The following CCDC33 variants were observed in gnomAD, a reference collection of about 807,000 sequenced individuals.
CCDC33 encodes coiled-coil domain containing 33.
In CCDC33, 94 loss-of-function variants were observed where a neutral mutation model predicts 91.9. The ratio of observed to expected loss-of-function variants is 1.02; its 90% CI spans 0.87 to 1.21. The LOEUF (loss-of-function observed/expected upper bound fraction) is 1.21. CCDC33 is among the 50% of genes most tolerant of loss of function. CCDC33 has a pLI of 0.00. For missense variants in CCDC33, 940 were observed against 935.5 expected, an observed-to-expected ratio of 1.00 and a Z score of -0.06; for synonymous variants, 396 against 374.5, an observed-to-expected ratio of 1.06 and a Z score of -0.66.
upstream of CCDC33, among the ~76,000 whole-genome samples, chr15:74,214,313 G>A (rs1232370557): frequency 6.6e-6 from 1 of 152,238 alleles, no homozygotes; most frequent in Non-Finnish European, 1.5e-5. Context: ...ACTTTGGAAG[G>A]TGGCTTGGAA....
intron 14 of CCDC33, 29 bp from the exon 15 acceptor site, chr15:74,331,174 G>A (rs1004325748): frequency 5.6e-6 from 9 of 1,613,878 alleles, no homozygotes; most frequent in African/African-American, 2.7e-5. Flanking sequence ...GAGCCCCTGG[G>A]CCAGCCCAGC....
intron 7 of CCDC33, among the ~76,000 whole-genome samples, chr15:74,274,380 AG>A (rs1187061452): frequency 6.6e-6 from 1 of 152,166 alleles, no homozygotes; most frequent in Non-Finnish European, 1.5e-5. Flanking sequence ...CAACATTCCT[AG>A]GGGCCTTGGG....
At chr15:74,256,528 G>A (rs73432384) in intron 2 of CCDC33, among the ~76,000 whole-genome samples, 3,101 of 152,152 alleles carry the variant, frequency 0.02, 116 homozygotes, top group African/African-American at 0.071. Flanking sequence ...CCTTCCAAGG[G>A]GACTGTCATT....
intron 10 of CCDC33, 35 bp downstream of exon 10, chr15:74,281,884 C>A: frequency 6.3e-7 from 1 of 1,576,074 alleles, no homozygotes. Context: ...TCAGGGCCAG[C>A]AGGCACATGT....
intron 2 of CCDC33, among the ~76,000 whole-genome samples, chr15:74,226,052 G>A (rs1470058556): frequency 6.6e-6 from 1 of 152,204 alleles, no homozygotes; most frequent in Admixed American, 6.5e-5. Context: ...TCAGCCTGAG[G>A]TGATGATCAT....
rs200097810 is a variant in CCDC33 at position 74,335,027 on chromosome 15, G to A, written c.2078G>A (p.Arg693Gln). Residue 693 changes from arginine to glutamine, a missense_variant, in exon 18 of 19, where the codon CGG (arginine) becomes CAG (glutamine). Physicochemically the swap from Arg to Gln is conservative, Grantham distance 43 (BLOSUM62 1). Coordinates refer to ENST00000398814, the MANE Select transcript of CCDC33 (RefSeq NM_025055.5). The stretch of plus-strand genomic sequence containing the variant: ...CGAGAGAAGCAGGATCTGGCCACAC[G>A]GCTGCAGGAGCAAGAAAAAGGTTTC... ...WGREKQDLAT[R>Q]LQEQEKGFRH... 18 of 1,614,094 alleles carry A rather than the reference G, an allele frequency of 1.1e-5. No individual in the cohort carries two copies. In the Admixed American group the frequency reaches 1.3e-4, roughly 12 times the overall value.
intron 7 of CCDC33, among the ~76,000 whole-genome samples, chr15:74,274,107 G>A (rs2076391311): frequency 6.6e-6 from 1 of 152,246 alleles, no homozygotes; most frequent in Admixed American, 6.5e-5. Context: ...TGGAATTACA[G>A]GCATGAGCCA....
chr15:74,207,674 G>T (rs574934800), intron 1 of CCDC33: 33 of 1,530,158 alleles, frequency 2.2e-5, no homozygotes, highest in Admixed American at 3.9e-5. Flanking sequence ...TTCCAGGAGT[G>T]GGGGGATGGC....
intron 5 of CCDC33, 63 bp downstream of exon 5, chr15:74,268,521 G>C (rs879231321): frequency 5.5e-6 from 7 of 1,269,250 alleles, no homozygotes; most frequent in Admixed American, 5.1e-5. Context: ...CTTTGAGCAG[G>C]CCCCACGCCT....
At chr15:74,308,388 T>C (rs2142725551) in intron 11 of CCDC33, among the ~76,000 whole-genome samples, 1 of 23,582 alleles carries the variant, frequency 4.2e-5, no homozygotes, top group Non-Finnish European at 1.2e-4. Flanking sequence ...CACACACACA[T>C]TTGGTGCTAA....
At chr15:74,238,651 G>T (rs1370259013) in intron 1 of CCDC33, among the ~76,000 whole-genome samples, 1 of 152,128 alleles carries the variant, frequency 6.6e-6, no homozygotes, top group Non-Finnish European at 1.5e-5. Context: ...TTTTTAAAAT[G>T]TAATCAAACC....
intron 1 of CCDC33, chr15:74,203,313 C>G: frequency 1.8e-6 from 1 of 564,134 alleles, no homozygotes; most frequent in Non-Finnish European, 2.2e-6. Flanking sequence ...GCAAGAGGAG[C>G]CCCGCCTGCC....
At chr15:74,302,881 T>G in intron 11 of CCDC33, 1 of 153,238 alleles carries the variant, frequency 6.5e-6, no homozygotes, top group Non-Finnish European at 1.5e-5. Flanking sequence ...GCAAGTGACC[T>G]TGACCTTCCT....
intron 7 of CCDC33, 57 bp downstream of exon 7, chr15:74,272,948 T>C: frequency 6.2e-7 from 1 of 1,602,326 alleles, no homozygotes; most frequent in Non-Finnish European, 8.5e-7. Context: ...CATTCACTGT[T>C]CACTCACTCA....
chr15:74,254,130 T>C (rs2075791710), intron 2 of CCDC33, among the ~76,000 whole-genome samples: 1 of 152,144 alleles, frequency 6.6e-6, no homozygotes, highest in African/African-American at 2.4e-5. Flanking sequence ...CCTCCCAGGT[T>C]CAAGAGACTC....
chr15:74,245,795 C>A (rs546683456), intron 2 of CCDC33, among the ~76,000 whole-genome samples: 1 of 152,162 alleles, frequency 6.6e-6, no homozygotes, highest in Non-Finnish European at 1.5e-5. Flanking sequence ...GGGGAAAGCA[C>A]TTCGCTGCAC....
chr15:74,317,800 G>A (rs1471817745), intron 11 of CCDC33, among the ~76,000 whole-genome samples: 2 of 151,660 alleles, frequency 1.3e-5, no homozygotes, highest in Admixed American at 6.6e-5. Context: ...GGGGGTCTCC[G>A]CAACCCAGGC....
chr15:74,261,062 G>A (rs1396710511), intron 2 of CCDC33, among the ~76,000 whole-genome samples: 2 of 152,142 alleles, frequency 1.3e-5, no homozygotes, highest in African/African-American at 4.8e-5. Flanking sequence ...CAGCTGGCAC[G>A]GGGTAGAGCT....
At chr15:74,336,298 C>G (rs1567048852), downstream of CCDC33, 1 of 1,413,346 alleles carries the variant, frequency 7.1e-7, no homozygotes, top group Non-Finnish European at 9.3e-7. Context: ...CCACAGTGGA[C>G]CCAGGAGGGT....
Sources: allele counts gnomAD v4.1 joint callset (sites outside exome capture counted in the v4.1 genomes callset), GRCh38; gene constraint gnomAD v4.1.1; transcripts MANE v1.5; gene names NCBI Gene and HGNC (gene_info 2026-07-23, HGNC 2026-07-21).